Variants in HPF1 observed in about 807,000 individuals in gnomAD.
HPF1 encodes the protein histone PARylation factor 1, also known as UPF0609 protein C4orf27.
In HPF1, 35 loss-of-function variants were observed where a neutral mutation model predicts 38.8. The observed-to-expected ratio is 0.90, with a 90% CI of 0.69 to 1.19. The LOEUF (loss-of-function observed/expected upper bound fraction) is 1.19, where lower values mean the gene tolerates loss of function less well. Ranked by LOEUF, HPF1 falls within the 50% of genes most tolerant of loss-of-function variation. The probability of loss-of-function intolerance (pLI) is 0.00; values close to 1 mark genes in which losing one functional copy is unlikely to be tolerated. For missense variants in HPF1, 367 were observed against 405.8 expected, an observed-to-expected ratio of 0.90 and a Z score of 0.82; for synonymous variants, 115 against 139.2, an observed-to-expected ratio of 0.83 and a Z score of 1.22.
chr4:169,750,478 T>C (rs1158465310), intron 3 of HPF1, 58 bp downstream of exon 3: 6 of 1,297,912 alleles, frequency 4.6e-6, no homozygotes, highest in Non-Finnish European at 6.4e-6. Flanking sequence ...TGAATAACTA[T>C]TTATCCTCAT....
At chr4:169,748,912 G>T in intron 3 of HPF1, 70 bp from the exon 4 acceptor site, 1 of 720,522 alleles carries the variant, frequency 1.4e-6, no homozygotes, top group Non-Finnish European at 2.4e-6. Context: ...GGGATTTCAG[G>T]TCTACAGACA....
chr4:169,747,584 C>G (rs1173051061), intron 4 of HPF1, among the ~76,000 whole-genome samples: 1 of 152,202 alleles, frequency 6.6e-6, no homozygotes, highest in Non-Finnish European at 1.5e-5. Flanking sequence ...GCAAACTACA[C>G]AGCTGCTGAC....
chr4:169,738,819 A>G (rs2150290154), intron 5 of HPF1, among the ~76,000 whole-genome samples: 1 of 152,332 alleles, frequency 6.6e-6, no homozygotes, highest in Non-Finnish European at 1.5e-5. Flanking sequence ...ATAAAAAAGG[A>G]TGAGTTCATG....
intron 4 of HPF1, among the ~76,000 whole-genome samples, chr4:169,743,117 C>CT (rs201685745): frequency 0.011 from 1,604 of 151,574 alleles, 36 homozygotes; most frequent in African/African-American, 0.037. Context: ...AAAAAACTGT[C>CT]TTTTTTTCCG....
Position 169,753,662 on chromosome 4 carries a change from C to T in HPF1, c.208+14G>A, listed in dbSNP as rs751758031. 3.5e-5 allele frequency: 57 copies of T among 1,605,658 alleles called. No homozygotes were observed. The highest frequency in any genetic ancestry group is 4.7e-5 in the Non-Finnish European group (55 of 1,175,442). On this transcript the variant is annotated intron_variant, in intron 2 of 7. Transcript: ENST00000393381. ...TCTTTCCATTAATACAAGAATGATT[C>T]TGGAGCAACTCACCAGATGGCTTTT...
At chr4:169,755,036 G>T in intron 1 of HPF1, among the ~76,000 whole-genome samples, 1 of 149,948 alleles carries the variant, frequency 6.7e-6, no homozygotes, top group African/African-American at 2.5e-5. Context: ...GTCATTATTA[G>T]GTATATCTCC....
intron 4 of HPF1, among the ~76,000 whole-genome samples, chr4:169,742,576 A>T (rs907615845): frequency 2.6e-5 from 4 of 152,182 alleles, no homozygotes; most frequent in African/African-American, 9.7e-5. Flanking sequence ...GCGGATCATG[A>T]GGTCAGGAGA....
chr4:169,751,176 C>T lies in HPF1; in HGVS notation c.209-451G>A, dbSNP rs535575260. Among the ~76,000 whole-genome samples the T allele has an allele frequency of 9.2e-5, 14 of 152,166 alleles. 1 individual carries two copies. Among genetic ancestry groups the T allele is most frequent in the African/African-American group, 3.1e-4 (13 of 41,512 alleles). ...ATCCCAGCACTTTGGCAGGCTGAGG[C>T]GGGCTGATCACCTGAGGTCAGGAGG... On this transcript the variant is annotated intron_variant, in intron 2 of 7. Transcript: ENST00000393381.
chr4:169,730,470 A>G (rs1240721428), intron 7 of HPF1, among the ~76,000 whole-genome samples: 7 of 152,178 alleles, frequency 4.6e-5, no homozygotes, highest in Admixed American at 4.6e-4. Flanking sequence ...TTTACTGATA[A>G]CTATCTATGA....
chr4:169,749,834 C>T (rs546642173), intron 3 of HPF1, among the ~76,000 whole-genome samples: 5 of 151,818 alleles, frequency 3.3e-5, no homozygotes, highest in Admixed American at 6.6e-5. Context: ...AAACAAATAC[C>T]GAGAGGTTAA....
Position 169,757,895 on chromosome 4 carries a change from A to T in HPF1, c.-18T>A, listed in dbSNP as rs1479312068. ...CCGACCATTCTGCAGCTGCAGCGCCAGCAGAATTCCCCGATCCGCGGCCGC... is the reference window on the plus strand; with the variant it reads ...CCGACCATTCTGCAGCTGCAGCGCCTGCAGAATTCCCCGATCCGCGGCCGC... On this transcript the variant is annotated 5_prime_UTR_variant, in exon 1 of 8. Coordinates refer to ENST00000393381, the MANE Select transcript of HPF1 (RefSeq NM_017867.3). The T allele has an allele frequency of 6.5e-7, 1 of 1,548,390 alleles. No homozygotes were observed.
intron 6 of HPF1, 52 bp downstream of exon 6, chr4:169,737,608 T>A: frequency 8.6e-7 from 1 of 1,157,092 alleles, no homozygotes; most frequent in Non-Finnish European, 1.3e-6. Context: ...AAGCAAAACC[T>A]TTATTCATGT....
chr4:169,756,688 T>C (rs925429868), intron 1 of HPF1, among the ~76,000 whole-genome samples: 1 of 152,234 alleles, frequency 6.6e-6, no homozygotes, highest in Non-Finnish European at 1.5e-5. Flanking sequence ...TAGCACATAA[T>C]ATACAAATGC....
chr4:169,729,528 G>A lies in HPF1; in HGVS notation c.*50C>T, dbSNP rs375437708. The A allele has an allele frequency of 3.1e-5, 42 of 1,343,650 alleles. No individual in the cohort carries two copies. The highest frequency in any genetic ancestry group is 4.0e-5 in the Non-Finnish European group (41 of 1,029,740). The allele number at this position is 1,343,650 out of a possible 1,614,324, so 83.2% of individuals were successfully genotyped here. On this transcript the variant is annotated 3_prime_UTR_variant, in exon 8 of 8. Transcript: ENST00000393381. ...CTTAAAAACAAAACAAAAATCACAA[G>A]TTTAATACTAGTCCTTTGAAATACT...
In HPF1 at chr4:169,731,716, G is replaced by C; in HGVS notation, c.897C>G (p.Cys299Trp). ...MGLELGMDLF[C>W]YGSHYFHKVA... ...TTTTTTTACTCACATGTGAGCCATA[G>C]CAAAAGAGATCCATTCCCAATTCAA... The change falls in exon 7 of 8, where the codon TGC (cysteine) becomes TGG (tryptophan). Residue 299 changes from cysteine to tryptophan, a missense_variant. Cys to Trp is a radical substitution (Grantham distance 215). Transcript: ENST00000393381. 2 of 1,552,916 alleles carry C rather than the reference G, an allele frequency of 1.3e-6. No individual in the cohort carries two copies. Among genetic ancestry groups the C allele is most frequent in the Middle Eastern group, 1.7e-4 (1 of 5,766 alleles).
Position 169,757,929 on chromosome 4 carries a change from G to C in HPF1, c.-52C>G. Reference sequence around the variant, plus strand: ...CCCCGATCCGCGGCCGCTTCCGAGCGCCGCCAACCGCTTCCGGGTTCAAAA... The same window carrying C: ...CCCCGATCCGCGGCCGCTTCCGAGCCCCGCCAACCGCTTCCGGGTTCAAAA... On this transcript the variant is annotated 5_prime_UTR_variant, in exon 1 of 8. Coordinates refer to ENST00000393381, the MANE Select transcript of HPF1 (RefSeq NM_017867.3). The C allele has an allele frequency of 6.6e-7, 1 of 1,510,228 alleles. No individual in the cohort carries two copies. Among genetic ancestry groups the C allele is most frequent in the Non-Finnish European group, 8.9e-7 (1 of 1,124,598 alleles). 93.6% of individuals were successfully genotyped at this position (1,510,228 alleles called of 1,614,324 possible). A position where few individuals can be genotyped will look rare whatever the true frequency, so the allele number is the denominator to read the frequency against.
At chr4:169,748,376 GT>G (rs1048964480) in intron 4 of HPF1, among the ~76,000 whole-genome samples, 40 of 144,968 alleles carry the variant, frequency 2.8e-4, no homozygotes, top group African/African-American at 3.8e-4. Flanking sequence ...AATCCGCTTT[GT>G]TTTTTTTTTT....
At chr4:169,741,785 CCT>C (rs551112232) in intron 5 of HPF1, among the ~76,000 whole-genome samples, 170 bp downstream of exon 5, 20 of 152,296 alleles carry the variant, frequency 1.3e-4, no homozygotes, top group South Asian at 2.1e-4. Flanking sequence ...CCATCTGACC[CCT>C]GTTTCAGTGC....
chr4:169,751,359 C>T (rs1420507012), intron 2 of HPF1, among the ~76,000 whole-genome samples: 3 of 148,738 alleles, frequency 2.0e-5, no homozygotes, highest in African/African-American at 7.5e-5. Context: ...AACGAGATTG[C>T]GCCATTGCAC....
Sources: gnomAD v4.1 joint callset for allele counts (sites outside exome capture counted in the v4.1 genomes callset) on GRCh38, gnomAD v4.1.1 for gene constraint, MANE v1.5 for transcripts, NCBI Gene and HGNC (gene_info 2026-07-23, HGNC 2026-07-21) for gene names.